The following KLC2 variants were observed in gnomAD, a reference collection of about 807,000 sequenced individuals.
KLC2 encodes the protein kinesin light chain 2, also known as KLC 2.
KLC2 carries 35 observed loss-of-function variants against 75.1 expected under a neutral mutation model. The observed-to-expected ratio is 0.47, with a 90% CI of 0.36 to 0.62. The LOEUF (loss-of-function observed/expected upper bound fraction) is 0.62. Ranked by LOEUF, KLC2 falls within the 20% of genes least tolerant of loss-of-function variation. KLC2 has a pLI of 0.00. For missense variants in KLC2, 611 were observed against 833.2 expected (o/e 0.73, Z 3.28); for synonymous variants, 314 against 336.7 (o/e 0.93, Z 0.74).
chr11:66,264,918 CG>C, intron 9 of KLC2, 104 bp from the exon 10 acceptor site: 1 of 1,046,184 alleles, frequency 9.6e-7, no homozygotes, highest in Non-Finnish European at 1.4e-6. Context: ...ATGCATTCAA[CG>C]AAGCCCAACC....
In KLC2 at chr11:66,267,379, T is replaced by C. The variant is rs1206004441; in HGVS notation, c.*423T>C. The C allele has an allele frequency of 1.4e-6, 1 of 721,462 alleles. No homozygotes were observed. Among genetic ancestry groups the C allele is most frequent in the South Asian group, 1.5e-5 (1 of 67,652 alleles). 44.7% of individuals were successfully genotyped at this position (721,462 alleles called of 1,614,324 possible). On this transcript the variant is annotated 3_prime_UTR_variant, in exon 16 of 16. Transcript: ENST00000394067. ...TTATTGGCCGCGCGCCTCCCTTCAG[T>C]CCACGGTACTACCCGGGCCTCCCCT...
rs1856729033 is a variant in KLC2 at position 66,265,183 on chromosome 11, A to G, written c.1282A>G (p.Ser428Gly). Reference sequence around the variant, plus strand: ...TTTCCTCCAGGATAAGCGCCGGGACAGCGCCCCCTATGGGGAATACGGCAG... The same window carrying G: ...TTTCCTCCAGGATAAGCGCCGGGACGGCGCCCCCTATGGGGAATACGGCAG... ...REESKDKRRD[S>G]APYGEYGSWY... Residue 428 changes from serine to glycine, a missense_variant, in exon 11 of 16, where the codon AGC (serine) becomes GGC (glycine). Coordinates refer to ENST00000394067, the MANE Select transcript of KLC2 (RefSeq NM_001318734.2). The G allele has an allele frequency of 6.3e-7, 1 of 1,591,472 alleles. No homozygotes were observed. Among genetic ancestry groups the G allele is most frequent in the South Asian group, 1.1e-5 (1 of 90,912 alleles).
At position 66,267,479 on chromosome 11, in the gene KLC2, T is replaced by A. The variant is rs1327433020; in HGVS notation, c.*523T>A. The A allele has an allele frequency of 4.3e-6, 3 of 704,576 alleles. No homozygotes were observed. Among genetic ancestry groups the A allele is most frequent in the Admixed American group, 4.1e-5 (2 of 49,066 alleles). The allele number at this position is 704,576 out of a possible 1,614,324, so 43.6% of individuals were successfully genotyped here. On this transcript the variant is annotated 3_prime_UTR_variant, in exon 16 of 16. Coordinates refer to ENST00000394067, the MANE Select transcript of KLC2 (RefSeq NM_001318734.2). ...GCGGTGGTATCTCCCAGGCTCTACA[T>A]TCTCGGGAGCGGCGCCTCCCAAGGG...
the KLC2 span, chr11:66,244,899 T>C: frequency 1.3e-5 from 2 of 152,188 alleles, no homozygotes; most frequent in African/African-American, 4.8e-5. Context: ...TGAAGGTGTC[T>C]CACCTGGCAT....
chr11:66,258,301 G>C (rs1168004625), intron 1 of KLC2: 9 of 460,836 alleles, frequency 2.0e-5, no homozygotes, highest in Non-Finnish European at 3.6e-5. Flanking sequence ...TCCTGGTTAG[G>C]GGGTCCCCGG....
chr11:66,246,540 T>A, the KLC2 span, among the ~76,000 whole-genome samples: 4 of 152,164 alleles, frequency 2.6e-5, no homozygotes. Flanking sequence ...TCTCCTGCAC[T>A]GCGGGTTCTC....
In KLC2 at chr11:66,266,051, A is replaced by T. The variant is rs1022232996; in HGVS notation, c.1602+39A>T. 3.7e-6 allele frequency: 6 copies of T among 1,613,670 alleles called. No individual in the cohort carries two copies. The Admixed American group carries it at 5.0e-5, about 13-fold the overall frequency. On this transcript the variant is annotated intron_variant, in intron 13 of 15. Transcript: ENST00000394067. Reference sequence around the variant, plus strand: ...CTGGGCCGGGTCGGGCTGGGAGCCTAGGTGGCCAGCGGGGCCTAGAGGCAA... The same window carrying T: ...CTGGGCCGGGTCGGGCTGGGAGCCTTGGTGGCCAGCGGGGCCTAGAGGCAA...
rs1856537949 is a variant in KLC2 at position 66,262,916 on chromosome 11, A to G, written c.632A>G (p.Gln211Arg). The G allele has an allele frequency of 6.2e-7, 1 of 1,613,634 alleles. No homozygotes were observed. Among genetic ancestry groups the G allele is most frequent in the African/African-American group, 1.3e-5 (1 of 74,762 alleles). ...LHNLVIQYASQGRYEVAVPLC... is the reference protein window; with the variant it reads ...LHNLVIQYASRGRYEVAVPLC... Reference sequence around the variant, plus strand: ...AACCTGGTGATCCAATACGCCTCACAGGGCCGCTACGAGGTAGCTGTGCCA... The same window carrying G: ...AACCTGGTGATCCAATACGCCTCACGGGGCCGCTACGAGGTAGCTGTGCCA... Residue 211 changes from glutamine to arginine, a missense_variant, in exon 5 of 16, where the codon CAG (glutamine) becomes CGG (arginine). By Grantham distance (43) the Gln-to-Arg change is conservative. Transcript: ENST00000394067.
At chr11:66,254,222 AAAAC>A (rs765411036), upstream of KLC2, among the ~76,000 whole-genome samples, 15 of 152,304 alleles carry the variant, frequency 9.8e-5, no homozygotes, top group African/African-American at 3.1e-4. Context: ...GCTCTGTCTC[AAAAC>A]AAACAAACAA....
intron 2 of KLC2, among the ~76,000 whole-genome samples, chr11:66,259,319 G>A (rs1163387199): frequency 6.6e-6 from 1 of 152,222 alleles, no homozygotes; most frequent in Non-Finnish European, 1.5e-5. Context: ...ATGATAGCTC[G>A]CAGCAGCGAG....
chr11:66,253,865 G>C (rs546936929), upstream of KLC2, among the ~76,000 whole-genome samples: 1 of 152,376 alleles, frequency 6.6e-6, no homozygotes, highest in South Asian at 2.1e-4. Context: ...CACAGATGGT[G>C]AGCAGAACAA....
At chr11:66,266,611 A>G (rs756947105) in intron 15 of KLC2, 121 bp downstream of exon 15, 2 of 1,148,122 alleles carry the variant, frequency 1.7e-6, no homozygotes, top group Non-Finnish European at 2.6e-6. Flanking sequence ...TCTCAGGCCT[A>G]CTTTGGGCTG....
chr11:66,262,067 A>C, intron 3 of KLC2, 56 bp from the exon 4 acceptor site: 4 of 1,590,470 alleles, frequency 2.5e-6, no homozygotes, highest in Non-Finnish European at 3.4e-6. Context: ...CAGCCCATGG[A>C]CACCCCGGCT....
chr11:66,258,053 C>T (rs888644192), intron 1 of KLC2, 182 bp downstream of exon 1: 2 of 154,486 alleles, frequency 1.3e-5, no homozygotes, highest in Non-Finnish European at 2.9e-5. Flanking sequence ...CAGGGAAGGC[C>T]TCAGGGCGTT....
At chr11:66,265,303 C>G in intron 11 of KLC2, 68 bp downstream of exon 11, 2 of 1,337,936 alleles carry the variant, frequency 1.5e-6, no homozygotes, top group Non-Finnish European at 2.1e-6. Flanking sequence ...CATACTCTCA[C>G]CCCCAACACA....
chr11:66,250,629 C>G, the KLC2 span, among the ~76,000 whole-genome samples: 1 of 152,152 alleles, frequency 6.6e-6, no homozygotes, highest in African/African-American at 2.4e-5. Context: ...TGCACTGGTG[C>G]ACACAGGAGG....
chr11:66,247,369 G>A, the KLC2 span, among the ~76,000 whole-genome samples: 1 of 152,202 alleles, frequency 6.6e-6, no homozygotes, highest in African/African-American at 2.4e-5. Context: ...CACCTACCTA[G>A]GTGTGTAAGC....
chr11:66,258,868 G>T, intron 2 of KLC2, 46 bp downstream of exon 2: 1 of 1,296,014 alleles, frequency 7.7e-7, no homozygotes, highest in South Asian at 1.2e-5. Context: ...TGGAGGGATC[G>T]AGCCTTCAAG....
At chr11:66,254,388 G>A (rs1378220446), upstream of KLC2, among the ~76,000 whole-genome samples, 2 of 152,100 alleles carry the variant, frequency 1.3e-5, no homozygotes, top group Non-Finnish European at 2.9e-5. Flanking sequence ...AGAGGCGGCC[G>A]GGCTCCGTGG....
Sources: gnomAD v4.1 joint callset for allele counts (sites outside exome capture counted in the v4.1 genomes callset) on GRCh38, gnomAD v4.1.1 for gene constraint, MANE v1.5 for transcripts, NCBI Gene and HGNC (gene_info 2026-07-23, HGNC 2026-07-21) for gene names.